The following C17orf99 variants were observed in gnomAD, a reference collection of about 807,000 sequenced individuals.
C17orf99 encodes chromosome 17 open reading frame 99.
In C17orf99, 18 loss-of-function variants were observed where a neutral mutation model predicts 22.6. The ratio of observed to expected loss-of-function variants is 0.80; its 90% confidence interval spans 0.55 to 1.18. The LOEUF is 1.18. Among genes scored for constraint, C17orf99 ranks in the 50% most tolerant of loss-of-function variants. C17orf99 has a pLI of 0.00. For missense variants in C17orf99, 328 were observed against 342.7 expected, an observed-to-expected ratio of 0.96 and a Z score of 0.34; for synonymous variants, 147 against 136.6, an observed-to-expected ratio of 1.08 and a Z score of -0.53.
intron 3 of C17orf99, among the ~76,000 whole-genome samples, chr17:78,162,093 T>A (rs2075582519): frequency 6.6e-6 from 1 of 151,168 alleles, no homozygotes; most frequent in East Asian, 2.0e-4. Context: ...CTGGCCAACG[T>A]AGTGAAACCC....
intron 2 of C17orf99, among the ~76,000 whole-genome samples, chr17:78,153,181 A>G (rs1265818129): frequency 6.6e-6 from 1 of 152,080 alleles, no homozygotes; most frequent in Non-Finnish European, 1.5e-5. Context: ...ACAAGTCTTG[A>G]GAGGATATAA....
chr17:78,157,451 A>G (rs1261049357), intron 2 of C17orf99: 2 of 1,309,104 alleles, frequency 1.5e-6, no homozygotes, highest in Admixed American at 3.6e-5. Flanking sequence ...ACTTCGAGAC[A>G]GGAGATGCAG....
intron 3 of C17orf99, 97 bp from the exon 4 acceptor site, chr17:78,163,998 A>T: frequency 9.1e-7 from 1 of 1,102,960 alleles, no homozygotes; most frequent in Non-Finnish European, 1.3e-6. Context: ...AGCCACAGCT[A>T]AGCTCATTAG....
Position 78,150,897 on chromosome 17 carries a change from C to T in C17orf99, c.70+3986C>T, listed in dbSNP as rs551442110. On this transcript the variant is annotated intron_variant, in intron 2 of 4. Transcript: ENST00000340363. ...GAGCACTTTGGGAGGCCGAGGTAGG[C>T]GGATCACTTGAGGTCAGGAGTTTAA... 2.6e-5 allele frequency among the ~76,000 whole-genome samples: 4 copies of T among 152,180 alleles called. No individual in the cohort carries two copies. The East Asian group carries it at 7.7e-4, about 29-fold the overall frequency.
In C17orf99 at chr17:78,161,008, G is replaced by A; in HGVS notation, c.124G>A (p.Gly42Ser). Residue 42 changes from glycine (G) to serine (S), a missense_variant, in exon 3 of 5, where the codon GGC becomes AGC. By Grantham distance (56) the Gly-to-Ser change is moderately conservative. Transcript: ENST00000340363. ...AYKVLEVFPK[G>S]RWVLITCCAP... ...CAAAGTCCTGGAAGTTTTCCCCAAA[G>A]GCCGCTGGGTGCTCATAACCTGCTG... is the stretch of plus-strand genomic sequence containing the variant. 6.4e-7 allele frequency: 1 copy of A among 1,551,602 alleles called. No homozygotes were observed. The highest frequency in any genetic ancestry group is 1.2e-5 in the South Asian group (1 of 84,058).
chr17:78,160,134 C>T (rs191394472), intron 2 of C17orf99: 1 of 456,102 alleles, frequency 2.2e-6, no homozygotes, highest in Admixed American at 2.4e-5. Context: ...TTTGAGGAAC[C>T]ACTAAATCAG....
chr17:78,158,435 C>CA, intron 2 of C17orf99: 2 of 208,636 alleles, frequency 9.6e-6, no homozygotes, highest in South Asian at 6.8e-5. Context: ...GCTGGGACTA[C>CA]GGGCACCCAC....
At chr17:78,163,475 G>A (rs1467513204) in intron 3 of C17orf99, among the ~76,000 whole-genome samples, 6 of 152,192 alleles carry the variant, frequency 3.9e-5, no homozygotes, top group Non-Finnish European at 5.9e-5. Flanking sequence ...TTTTACATAG[G>A]ACATACGTAT....
At chr17:78,147,485 G>A (rs536301619) in intron 2 of C17orf99, among the ~76,000 whole-genome samples, 4 of 152,140 alleles carry the variant, frequency 2.6e-5, no homozygotes, top group South Asian at 2.1e-4. Flanking sequence ...AGGAGGGGAC[G>A]CTGGGGAAGG....
At chr17:78,148,195 C>T (rs902826985) in intron 2 of C17orf99, among the ~76,000 whole-genome samples, 3 of 148,956 alleles carry the variant, frequency 2.0e-5, no homozygotes, top group East Asian at 1.9e-4. Context: ...CCAGCCTGAC[C>T]GACACAGTGA....
intron 3 of C17orf99, among the ~76,000 whole-genome samples, chr17:78,161,870 A>C (rs1010702377): frequency 6.6e-6 from 1 of 151,832 alleles, no homozygotes; most frequent in African/African-American, 2.4e-5. Flanking sequence ...ACGAAAAAAA[A>C]GTTAGGCACG....
At chr17:78,163,986 G>A (rs1467454009) in intron 3 of C17orf99, 109 bp from the exon 4 acceptor site, 2 of 975,274 alleles carry the variant, frequency 2.1e-6, no homozygotes, top group African/African-American at 1.6e-5. Flanking sequence ...GGAGGAGGCG[G>A]CAGCCACAGC....
chr17:78,165,320 T>C (rs1420770456), intron 4 of C17orf99: 3 of 985,596 alleles, frequency 3.0e-6, no homozygotes, highest in East Asian at 2.3e-4. Flanking sequence ...CAGGAGTCTG[T>C]CCTTGGCACT....
chr17:78,165,789 C>T, intron 4 of C17orf99, 100 bp from the exon 5 acceptor site: 1 of 1,262,594 alleles, frequency 7.9e-7, no homozygotes, highest in Non-Finnish European at 1.0e-6. Context: ...ACAAAAAGAG[C>T]AAAACTCCGT....
upstream of C17orf99, among the ~76,000 whole-genome samples, chr17:78,145,746 C>T (rs67249807): frequency 0.078 from 11,896 of 151,834 alleles, 486 homozygotes; most frequent in East Asian, 0.12. Flanking sequence ...TTCCCCTTGC[C>T]GCGTAGCATG....
upstream of C17orf99, chr17:78,146,235 C>G (rs1044230622): frequency 1.7e-6 from 1 of 573,378 alleles, no homozygotes; most frequent in East Asian, 3.0e-5. This position sits in a 1 kb window ranked among gnomAD's most constrained non-coding sequence, Gnocchi z 5.2. Context: ...CCGGGCCTGC[C>G]GGGGCTCTCT....
chr17:78,146,492 G>T lies in C17orf99; in HGVS notation c.37+48G>T. On this transcript the variant is annotated intron_variant, in intron 1 of 4. Transcript: ENST00000340363. The surrounding 1 kb of genome is among the most constrained non-coding windows in gnomAD (Gnocchi z 5.2). ...GGTGGGGCTGCTGCTGGGGCCTTGAGGTCTTGGGCTCAGGTGGGGGTACTG... is the reference window on the plus strand; with the variant it reads ...GGTGGGGCTGCTGCTGGGGCCTTGATGTCTTGGGCTCAGGTGGGGGTACTG... 6.5e-7 allele frequency: 1 copy of T among 1,531,334 alleles called. No individual in the cohort carries two copies. Among genetic ancestry groups the T allele is most frequent in the South Asian group, 1.2e-5 (1 of 83,702 alleles). 94.9% of individuals were successfully genotyped at this position (1,531,334 alleles called of 1,614,324 possible). A position where few individuals can be genotyped will look rare whatever the true frequency, so the allele number is the denominator to read the frequency against.
intron 4 of C17orf99, chr17:78,164,709 G>A: frequency 5.1e-6 from 7 of 1,362,268 alleles, no homozygotes; most frequent in Non-Finnish European, 6.7e-6. Flanking sequence ...GCTGCTGATG[G>A]CCTGAGAGGT....
chr17:78,159,921 A>G (rs561208484), intron 2 of C17orf99: 338 of 375,278 alleles, frequency 9.0e-4, no homozygotes, highest in Non-Finnish European at 1.5e-3. Context: ...AAGGCTGAGT[A>G]ATATTCCTTA....
Sources: allele counts gnomAD v4.1 joint callset (sites outside exome capture counted in the v4.1 genomes callset), GRCh38; gene constraint gnomAD v4.1.1; non-coding constraint Gnocchi (gnomAD v3.1); transcripts MANE v1.5; gene names NCBI Gene and HGNC (gene_info 2026-07-23, HGNC 2026-07-21).